TARS3: variants seen among roughly 807,000 people sequenced by gnomAD.
TARS3 encodes threonine--tRNA ligase 2, cytoplasmic.
TARS3 carries 94 observed loss-of-function variants against 103.5 expected under a neutral mutation model. The observed-to-expected ratio is 0.91, with a 90% CI of 0.77 to 1.08. The LOEUF is 1.08. TARS3 is among the 50% of genes least tolerant of loss of function. The pLI is 0.00. For synonymous variants in TARS3, 416 were observed against 355.4 expected, an observed-to-expected ratio of 1.17 and a Z score of -1.92; for missense variants, 952 against 995.2, an observed-to-expected ratio of 0.96 and a Z score of 0.58.
At chr15:101,689,577 C>G (rs1339869648) in intron 10 of TARS3, among the ~76,000 whole-genome samples, 1 of 152,042 alleles carries the variant, frequency 6.6e-6, no homozygotes, top group Non-Finnish European at 1.5e-5. Context: ...TGAAGACACG[C>G]AGGGAGAACA....
At chr15:101,693,461 G>T (rs1898824454) in intron 10 of TARS3, among the ~76,000 whole-genome samples, 1 of 152,104 alleles carries the variant, frequency 6.6e-6, no homozygotes, top group African/African-American at 2.4e-5. Context: ...CCCCACCCCT[G>T]ACCCTTGGGG....
chr15:101,722,678 G>A (rs1023982855), intron 2 of TARS3, among the ~76,000 whole-genome samples: 3 of 149,362 alleles, frequency 2.0e-5, no homozygotes, highest in East Asian at 3.9e-4. Context: ...AATTAGCCGG[G>A]CTTGGTGGCA....
intron 16 of TARS3, among the ~76,000 whole-genome samples, chr15:101,659,810 C>T (rs1019214375): frequency 3.9e-5 from 6 of 152,202 alleles, no homozygotes; most frequent in African/African-American, 1.4e-4. Context: ...AGCTTAGAAA[C>T]TCCATGATAC....
intron 3 of TARS3, among the ~76,000 whole-genome samples, chr15:101,717,541 G>T (rs1033146307): frequency 2.6e-5 from 4 of 152,214 alleles, no homozygotes; most frequent in African/African-American, 9.7e-5. Flanking sequence ...CAGGTTTGGA[G>T]CCAATGGATA....
At chr15:101,691,454 AT>A (rs1020202503) in intron 10 of TARS3, among the ~76,000 whole-genome samples, 6 of 151,202 alleles carry the variant, frequency 4.0e-5, no homozygotes, top group African/African-American at 1.5e-4. Context: ...TAATTTTTGT[AT>A]TTTTAGTAGA....
chr15:101,712,021 A>G lies in TARS3; in HGVS notation c.691-20T>C, dbSNP rs367993331. On this transcript the variant is annotated intron_variant, in intron 4 of 18. Transcript: ENST00000335968. ...GTACACCTGCATGGCATGGACAAAGAGGCCATTAGCTACCAAAAGTATGTC... is the reference window on the plus strand; with the variant it reads ...GTACACCTGCATGGCATGGACAAAGGGGCCATTAGCTACCAAAAGTATGTC... 2 of 1,596,252 alleles carry G rather than the reference A, an allele frequency of 1.3e-6. No individual in the cohort carries two copies. The highest frequency in any genetic ancestry group is 1.1e-5 in the South Asian group (1 of 88,022).
At chr15:101,672,222 C>T (rs904533844) in intron 13 of TARS3, among the ~76,000 whole-genome samples, 2 of 152,136 alleles carry the variant, frequency 1.3e-5, no homozygotes, top group African/African-American at 4.8e-5. Context: ...CACCTCTGCA[C>T]GTGTCTGGGA....
chr15:101,661,387 C>T (rs1195113784), intron 16 of TARS3, among the ~76,000 whole-genome samples: 1 of 150,748 alleles, frequency 6.6e-6, no homozygotes. Flanking sequence ...GTTTTCAGGA[C>T]AGCAACTAGA....
intron 15 of TARS3, among the ~76,000 whole-genome samples, chr15:101,664,813 G>C (rs1897515057): frequency 6.6e-6 from 1 of 152,164 alleles, no homozygotes; most frequent in Non-Finnish European, 1.5e-5. Context: ...ACAAATGATG[G>C]AATTACCAAA....
intron 13 of TARS3, among the ~76,000 whole-genome samples, chr15:101,674,107 T>G (rs1259579633): frequency 6.6e-6 from 1 of 152,248 alleles, no homozygotes; most frequent in African/African-American, 2.4e-5. Context: ...TACTCTGCCC[T>G]ACCTGGGATG....
rs776207602 is a variant in TARS3 at position 101,654,484 on chromosome 15, C to T, written c.*98G>A. On this transcript the variant is annotated 3_prime_UTR_variant, in exon 19 of 19. Coordinates refer to ENST00000335968, the MANE Select transcript of TARS3 (RefSeq NM_152334.3). ...CAGCTGAGGCCATGAGTGGACCCAT[C>T]AGTGGCTCCAAAGTCGTAGAAGTAC... 8.0e-5 allele frequency: 102 copies of T among 1,273,046 alleles called. No individual in the cohort carries two copies. Among genetic ancestry groups the T allele is most frequent in the Non-Finnish European group, 1.1e-4 (99 of 919,892 alleles). The allele number at this position is 1,273,046 out of a possible 1,614,324, so 78.9% of individuals were successfully genotyped here.
At chr15:101,687,580 G>C (rs1054931488) in intron 10 of TARS3, among the ~76,000 whole-genome samples, 1 of 151,964 alleles carries the variant, frequency 6.6e-6, no homozygotes, top group African/African-American at 2.4e-5. Flanking sequence ...TACTTTTAAA[G>C]TCTAGCTCAG....
chr15:101,700,079 T>C (rs1899183916), intron 10 of TARS3, among the ~76,000 whole-genome samples: 1 of 152,118 alleles, frequency 6.6e-6, no homozygotes. Flanking sequence ...GCAGAATATG[T>C]TGCAAGGAGA....
At chr15:101,719,128 T>C (rs1900315402) in intron 3 of TARS3, among the ~76,000 whole-genome samples, 2 of 152,190 alleles carry the variant, frequency 1.3e-5, no homozygotes, top group African/African-American at 2.4e-5. Context: ...ACACAAGCAC[T>C]AACTGCTGCC....
At chr15:101,679,908 C>A (rs533462553) in intron 12 of TARS3, among the ~76,000 whole-genome samples, 25 of 152,284 alleles carry the variant, frequency 1.6e-4, no homozygotes, top group Non-Finnish European at 3.5e-4. Context: ...TTCTAGCCCC[C>A]CTCCATGGCC....
chr15:101,664,764 G>C (rs1011699074), intron 15 of TARS3, among the ~76,000 whole-genome samples: 2 of 152,154 alleles, frequency 1.3e-5, no homozygotes, highest in Non-Finnish European at 2.9e-5. Context: ...TTCAATTTGT[G>C]AGAAGAAAAG....
At chr15:101,721,352 A>G (rs1471664860) in intron 2 of TARS3, 30 bp from the exon 3 acceptor site, 2 of 1,561,398 alleles carry the variant, frequency 1.3e-6, no homozygotes, top group Non-Finnish European at 8.8e-7. Context: ...AATGAGATTA[A>G]TATATACAGC....
intron 12 of TARS3, among the ~76,000 whole-genome samples, chr15:101,681,851 C>A (rs1411661431): frequency 6.6e-6 from 1 of 152,184 alleles, no homozygotes; most frequent in African/African-American, 2.4e-5. Flanking sequence ...AGTCACAATT[C>A]AGTCCATAGC....
At position 101,703,765 on chromosome 15, in the gene TARS3, AC is replaced by A. The variant is rs1262474814; in HGVS notation, c.1074+93del. 3 of 742,822 alleles carry A rather than the reference AC, an allele frequency of 4.0e-6. No individual in the cohort carries two copies. In the African/African-American group the frequency reaches 5.4e-5, roughly 13 times the overall value. 46.0% of individuals were successfully genotyped at this position (742,822 alleles called of 1,614,324 possible). A position where few individuals can be genotyped will look rare whatever the true frequency, so the allele number is the denominator to read the frequency against. ...TATTTTAAAATATCATGATGTTCAG[AC>A]TACAAAAGATATGATTGAATAAGAT... On this transcript the variant is annotated intron_variant, in intron 8 of 18. Coordinates refer to ENST00000335968, the MANE Select transcript of TARS3 (RefSeq NM_152334.3).
Sources: gnomAD v4.1 joint callset for allele counts (sites outside exome capture counted in the v4.1 genomes callset) on GRCh38, gnomAD v4.1.1 for gene constraint, MANE v1.5 for transcripts, NCBI Gene and HGNC (gene_info 2026-07-23, HGNC 2026-07-21) for gene names.